The following ASIC2 variants were observed in gnomAD, a reference collection of about 807,000 sequenced individuals.
The protein encoded by ASIC2 is acid sensing ion channel subunit 2.
A neutral mutation model predicts 57.3 loss-of-function variants in ASIC2; 25 were observed. The observed-to-expected ratio is 0.44, with a 90% CI of 0.32 to 0.61. ASIC2 has a LOEUF of 0.61. ASIC2 is among the 20% of genes least tolerant of loss of function. The probability of loss-of-function intolerance (pLI) is 0.06; values close to 1 mark genes in which losing one functional copy is unlikely to be tolerated. For synonymous variants in ASIC2, 319 were observed against 307.5 expected (o/e 1.04, Z -0.39); for missense variants, 641 against 738.1 (o/e 0.87, Z 1.52).
chr17:33,459,012 C>T (rs1020091362), intron 1 of ASIC2, among the ~76,000 whole-genome samples: 1 of 151,994 alleles, frequency 6.6e-6, no homozygotes, highest in Non-Finnish European at 1.5e-5. Context: ...TAGATATAGA[C>T]AACGGGGCTC....
In ASIC2 at chr17:33,505,098, T is replaced by C. The variant is rs141972139; in HGVS notation, c.556-393031A>G. 3.2e-4 allele frequency among the ~76,000 whole-genome samples: 48 copies of C among 152,112 alleles called. 1 individual carries two copies. Among genetic ancestry groups the C allele is most frequent in the Admixed American group, 3.1e-3 (48 of 15,274 alleles). On this transcript the variant is annotated intron_variant, in intron 1 of 9. Coordinates refer to the ASIC2 transcript ENST00000359872. ...ATAGCACAATAGATAACATTTATTA[T>C]GGGTTGGTCAATTTGAGTTTGGTGA...
chr17:33,982,635 A>G (rs529455299), intron 1 of ASIC2, among the ~76,000 whole-genome samples: 132 of 152,284 alleles, frequency 8.7e-4, no homozygotes, highest in African/African-American at 2.4e-3. Flanking sequence ...CAGCCTTTGC[A>G]TAGGTCGTTT....
chr17:33,111,355 A>G (rs1441686124), intron 2 of ASIC2, among the ~76,000 whole-genome samples: 1 of 152,222 alleles, frequency 6.6e-6, no homozygotes, highest in Admixed American at 6.5e-5. Flanking sequence ...AGTTTGCTGA[A>G]GAAATAAATG....
intron 1 of ASIC2, among the ~76,000 whole-genome samples, chr17:34,093,341 G>T (rs1049057861): frequency 2.0e-5 from 3 of 152,112 alleles, no homozygotes; most frequent in African/African-American, 7.2e-5. Flanking sequence ...GAACTGGTTT[G>T]GGAATTGCCA....
At chr17:33,725,725 C>T (rs541673310) in intron 1 of ASIC2, among the ~76,000 whole-genome samples, 1 of 144,298 alleles carries the variant, frequency 6.9e-6, no homozygotes, top group Admixed American at 6.8e-5. Flanking sequence ...TAAGAAACCC[C>T]CCCCCCCTTT....
intron 1 of ASIC2, among the ~76,000 whole-genome samples, chr17:33,781,821 T>C (rs989433964): frequency 6.6e-6 from 1 of 152,180 alleles, no homozygotes; most frequent in African/African-American, 2.4e-5. Flanking sequence ...TAATAAGGCA[T>C]CCTTGATTCT....
chr17:33,991,917 A>C (rs1471388384), intron 1 of ASIC2, among the ~76,000 whole-genome samples: 1 of 152,152 alleles, frequency 6.6e-6, no homozygotes, highest in African/African-American at 2.4e-5. Flanking sequence ...TTCAAAGCAA[A>C]TGAACTGGTG....
rs576425288 is a variant in ASIC2, at chr17:33,176,290, T to C, written c.709-64223A>G. Among the ~76,000 whole-genome samples, 38 of 152,326 alleles carry C rather than the reference T, an allele frequency of 2.5e-4. No individual in the cohort carries two copies. In the South Asian group the frequency reaches 3.9e-3, roughly 16 times the overall value. On this transcript the variant is annotated intron_variant, in intron 1 of 9. Transcript: ENST00000225823. ...AAGCTTTTTGAAGGCCAGGAGTGTA[T>C]GTCATTTCCCTTGATACCTCCAGAG...
At chr17:33,421,609 G>T (rs1911047903) in intron 1 of ASIC2, among the ~76,000 whole-genome samples, 1 of 152,216 alleles carries the variant, frequency 6.6e-6, no homozygotes, top group Admixed American at 6.5e-5. Context: ...TTTATACCCA[G>T]TTTGGGGTAG....
intron 3 of ASIC2, among the ~76,000 whole-genome samples, chr17:33,040,741 CT>C (rs2091926454): frequency 6.6e-6 from 1 of 152,202 alleles, no homozygotes; most frequent in Admixed American, 6.5e-5. Context: ...CCTTTGCAGT[CT>C]GTTTTTCAGA....
chr17:33,933,446 A>G (rs1014451628), intron 1 of ASIC2, among the ~76,000 whole-genome samples: 3 of 152,338 alleles, frequency 2.0e-5, no homozygotes, highest in East Asian at 1.9e-4. Context: ...ACAAACATCA[A>G]TGCTGCAAGG....
At chr17:33,690,608 A>G (rs1040885029) in intron 1 of ASIC2, among the ~76,000 whole-genome samples, 1 of 151,996 alleles carries the variant, frequency 6.6e-6, no homozygotes, top group Non-Finnish European at 1.5e-5. Context: ...GCGGGAGGGG[A>G]CTATACAAGG....
intron 1 of ASIC2, among the ~76,000 whole-genome samples, chr17:33,701,332 G>A (rs1268507195): frequency 6.6e-6 from 1 of 152,158 alleles, no homozygotes; most frequent in Non-Finnish European, 1.5e-5. Context: ...TCTGCACAAA[G>A]TATATGATTG....
chr17:33,780,771 G>A (rs559818999), intron 1 of ASIC2, among the ~76,000 whole-genome samples: 26 of 152,236 alleles, frequency 1.7e-4, no homozygotes, highest in African/African-American at 5.3e-4. Context: ...CAGGGAAGGC[G>A]GGAGGGCCCT....
chr17:33,850,309 T>G (rs1232643059), intron 1 of ASIC2, among the ~76,000 whole-genome samples: 1 of 152,168 alleles, frequency 6.6e-6, no homozygotes, highest in Non-Finnish European at 1.5e-5. Flanking sequence ...TAAAATAAAG[T>G]AAAATAAAGA....
intron 1 of ASIC2, among the ~76,000 whole-genome samples, chr17:33,743,919 C>T (rs1000219130): frequency 2.0e-5 from 3 of 152,126 alleles, no homozygotes; most frequent in African/African-American, 4.8e-5. Flanking sequence ...ATACTGGAGC[C>T]CTAAATTACT....
chr17:34,021,938 C>T lies in ASIC2; in HGVS notation c.555+134040G>A, dbSNP rs1320693021. On this transcript the variant is annotated intron_variant, in intron 1 of 9. Transcript: ENST00000359872. ...CTGCAAACTCCACCTCCTGGGCTCA[C>T]GCCATTCTCTTGTCTCAGCCTCCCG... is the stretch of plus-strand genomic sequence containing the variant. Among the ~76,000 whole-genome samples, 8 of 149,910 alleles carry T rather than the reference C, an allele frequency of 5.3e-5. No homozygotes were observed. In the South Asian group the frequency reaches 1.7e-3, roughly 33 times the overall value.
intron 1 of ASIC2, among the ~76,000 whole-genome samples, chr17:33,115,742 G>T (rs2092278427): frequency 6.6e-6 from 1 of 152,212 alleles, no homozygotes; most frequent in Non-Finnish European, 1.5e-5. Context: ...GTCTATCAAA[G>T]TGTGTAACTG....
intron 1 of ASIC2, among the ~76,000 whole-genome samples, chr17:33,189,959 A>G (rs952325997): frequency 6.6e-6 from 1 of 152,184 alleles, no homozygotes; most frequent in East Asian, 1.9e-4. Context: ...TTCCCCTACG[A>G]TCAAGGCAAG....
Sources: gnomAD v4.1 joint callset for allele counts (sites outside exome capture counted in the v4.1 genomes callset) on GRCh38, gnomAD v4.1.1 for gene constraint, MANE v1.5 for transcripts, NCBI Gene and HGNC (gene_info 2026-07-23, HGNC 2026-07-21) for gene names.